ADAMTS17: variants seen among roughly 807,000 people sequenced by gnomAD.
The protein encoded by ADAMTS17 is ADAM metallopeptidase with thrombospondin type 1 motif 17, also known as A disintegrin and metalloproteinase with thrombospondin motifs 17.
A neutral mutation model predicts 141.5 loss-of-function variants in ADAMTS17; 113 were observed. The observed-to-expected ratio is 0.80, with a 90% confidence interval of 0.69 to 0.93. ADAMTS17 has a LOEUF of 0.93. Ranked by LOEUF, ADAMTS17 falls within the 40% of genes least tolerant of loss-of-function variation. The pLI, the probability that ADAMTS17 is intolerant of heterozygous loss-of-function variation, is 0.00. For missense variants in ADAMTS17, 1,659 were observed against 1,517.9 expected (o/e 1.09, Z -1.54); for synonymous variants, 768 against 630.6 (o/e 1.22, Z -3.27).
In ADAMTS17 at chr15:99,977,384, ATATATATATATATATAAT is replaced by A. The variant is rs1339011081; in HGVS notation, c.2950-1180_2950-1163del. Among the ~76,000 whole-genome samples, 24 of 14,782 alleles carry A rather than the reference ATATATATATATATATAAT, an allele frequency of 1.6e-3. 2 individuals carry two copies. Among genetic ancestry groups the A allele is most frequent in the South Asian group, 2.8e-3 (1 of 362 alleles). The allele number at this position is 14,782 out of a possible 152,430, so 9.7% of individuals were successfully genotyped here. A position where few individuals can be genotyped will look rare whatever the true frequency, so the allele number is the denominator to read the frequency against. On this transcript the variant is annotated intron_variant, in intron 20 of 21. Transcript: ENST00000268070. ...TATATATATATATATATATATATAT[ATATATATATATATATAAT>A]TTTTTTTTTTTTTTTTTTTTTTTTT...
At chr15:100,290,443 T>C (rs1247290562) in intron 3 of ADAMTS17, among the ~76,000 whole-genome samples, 2 of 152,198 alleles carry the variant, frequency 1.3e-5, no homozygotes, top group East Asian at 3.8e-4. Context: ...CAAAGCAATT[T>C]ATAGATTCAA....
chr15:99,994,748 G>A (rs1457227339), intron 19 of ADAMTS17, among the ~76,000 whole-genome samples: 1 of 152,146 alleles, frequency 6.6e-6, no homozygotes, highest in Non-Finnish European at 1.5e-5. Flanking sequence ...TGTATTTTTA[G>A]TAGAGACAGG....
chr15:100,324,517 G>A lies in ADAMTS17; in HGVS notation c.616+6372C>T, dbSNP rs868375365. Among the ~76,000 whole-genome samples, 31 of 152,234 alleles carry A rather than the reference G, an allele frequency of 2.0e-4. 1 individual carries two copies. The highest frequency in any genetic ancestry group is 6.8e-3 in the Middle Eastern group (2 of 294). Reference sequence around the variant, plus strand: ...AAACCCTAAGTTCTCTGGAGGCAAGGACCATACTATGTCATGTTCGCCATA... The same window carrying A: ...AAACCCTAAGTTCTCTGGAGGCAAGAACCATACTATGTCATGTTCGCCATA... On this transcript the variant is annotated intron_variant, in intron 3 of 21. Coordinates refer to ENST00000268070, the MANE Select transcript of ADAMTS17 (RefSeq NM_139057.4).
chr15:100,341,687 C>T, intron 1 of ADAMTS17, 134 bp downstream of exon 1: 3 of 1,169,310 alleles, frequency 2.6e-6, no homozygotes, highest in South Asian at 2.0e-5. Context: ...ACTCCGGCCG[C>T]GGCCCGCGCC....
At chr15:100,030,612 C>A (rs1484147628) in intron 18 of ADAMTS17, among the ~76,000 whole-genome samples, 1 of 152,142 alleles carries the variant, frequency 6.6e-6, no homozygotes, top group Non-Finnish European at 1.5e-5. Context: ...TAGTCTTACC[C>A]CCATCCTGCT....
chr15:100,053,862 C>T, intron 16 of ADAMTS17, 35 bp downstream of exon 16: 2 of 1,614,092 alleles, frequency 1.2e-6, no homozygotes, highest in East Asian at 4.5e-5. Flanking sequence ...CGGAGCCACA[C>T]CCCCTAAGAC....
chr15:100,124,807 T>A (rs926973645), intron 12 of ADAMTS17, among the ~76,000 whole-genome samples: 3 of 152,132 alleles, frequency 2.0e-5, no homozygotes, highest in South Asian at 4.1e-4. Flanking sequence ...TACCCCAAAA[T>A]TTCCCAAGCG....
At chr15:100,299,291 G>GGTGT (rs143984112) in intron 3 of ADAMTS17, among the ~76,000 whole-genome samples, 6 of 150,600 alleles carry the variant, frequency 4.0e-5, no homozygotes, top group East Asian at 2.0e-4. Flanking sequence ...CGGACGTCAG[G>GGTGT]GTGTGTGTGT....
Position 100,164,687 on chromosome 15 carries a change from G to A in ADAMTS17, c.1182-9367C>T, listed in dbSNP as rs185070686. On this transcript the variant is annotated intron_variant, in intron 8 of 21. Coordinates refer to ENST00000268070, the MANE Select transcript of ADAMTS17 (RefSeq NM_139057.4). ...GGGAAGTCATACTATAAGGCAGGTG[G>A]ACTGGCGGGGAAAGGAAAAGTTCCC... 1.2e-3 allele frequency among the ~76,000 whole-genome samples: 186 copies of A among 152,300 alleles called. 2 individuals are homozygous for A. Among genetic ancestry groups the A allele is most frequent in the Middle Eastern group, 6.8e-3 (2 of 294 alleles).
chr15:100,151,957 A>G (rs2039187164), intron 10 of ADAMTS17, among the ~76,000 whole-genome samples: 1 of 152,126 alleles, frequency 6.6e-6, no homozygotes, highest in South Asian at 2.1e-4. Flanking sequence ...CTACCTACTA[A>G]CAAAGCCTTT....
At chr15:100,094,684 C>T (rs1423533443) in intron 15 of ADAMTS17, among the ~76,000 whole-genome samples, 1 of 152,110 alleles carries the variant, frequency 6.6e-6, no homozygotes, top group Non-Finnish European at 1.5e-5. Flanking sequence ...GAGCTCAGTA[C>T]AATGTTCAAT....
chr15:100,258,801 T>C (rs948639109), intron 6 of ADAMTS17, among the ~76,000 whole-genome samples: 7 of 152,338 alleles, frequency 4.6e-5, no homozygotes, highest in Admixed American at 4.6e-4. Context: ...ATATTTCCTT[T>C]GTGGTAAGTT....
chr15:100,249,637 C>G (rs2043092331), intron 7 of ADAMTS17, among the ~76,000 whole-genome samples: 1 of 152,192 alleles, frequency 6.6e-6, no homozygotes, highest in East Asian at 1.9e-4. Context: ...GCCTGTGTTC[C>G]AAGCCAGTCT....
intron 12 of ADAMTS17, among the ~76,000 whole-genome samples, chr15:100,119,527 C>T (rs146896220): frequency 8.5e-5 from 13 of 152,194 alleles, no homozygotes; most frequent in African/African-American, 2.4e-4. Flanking sequence ...CTTCCTTTTA[C>T]GCTTCAGTTT....
At chr15:100,108,658 C>T (rs1192395280) in intron 14 of ADAMTS17, among the ~76,000 whole-genome samples, 1 of 152,220 alleles carries the variant, frequency 6.6e-6, no homozygotes, top group African/African-American at 2.4e-5. Flanking sequence ...CTAAATGGGG[C>T]CTGGCTTGTG....
At chr15:100,096,937 A>G (rs1022471707) in intron 14 of ADAMTS17, among the ~76,000 whole-genome samples, 1 of 152,172 alleles carries the variant, frequency 6.6e-6, no homozygotes, top group Non-Finnish European at 1.5e-5. Flanking sequence ...TACAACAGAA[A>G]CCACAGACTT....
intron 3 of ADAMTS17, among the ~76,000 whole-genome samples, chr15:100,301,141 TTTAAG>T (rs1354122747): frequency 6.6e-6 from 1 of 152,210 alleles, no homozygotes; most frequent in African/African-American, 2.4e-5. Flanking sequence ...TTTACCACCT[TTTAAG>T]TTGTGTTTAA....
intron 8 of ADAMTS17, among the ~76,000 whole-genome samples, chr15:100,164,315 T>C (rs920815943): frequency 1.1e-4 from 17 of 152,208 alleles, no homozygotes. Context: ...ATGTCAGCTC[T>C]GCCTCTTGAG....
At position 100,027,686 on chromosome 15, in the gene ADAMTS17, T is replaced by G. The variant is rs549829444; in HGVS notation, c.2591+21171A>C. On this transcript the variant is annotated intron_variant, in intron 18 of 21. Transcript: ENST00000268070. ...TCTGTCTTTCACTGGAAAAGTTTGC[T>G]GATTCCTGCTCCGGTAAATTCCTCA... Among the ~76,000 whole-genome samples, 213 of 152,388 alleles carry G rather than the reference T, an allele frequency of 1.4e-3. 1 individual carries two copies. Among genetic ancestry groups the G allele is most frequent in the African/African-American group, 5.0e-3 (207 of 41,596 alleles).
Sources: allele counts gnomAD v4.1 joint callset (sites outside exome capture counted in the v4.1 genomes callset), GRCh38; gene constraint gnomAD v4.1.1; transcripts MANE v1.5; gene names NCBI Gene and HGNC (gene_info 2026-07-23, HGNC 2026-07-21).